Variants in CACNA2D2 observed in about 807,000 individuals in gnomAD.
CACNA2D2 encodes calcium voltage-gated channel auxiliary subunit alpha2delta 2.
A neutral mutation model predicts 166.4 loss-of-function variants in CACNA2D2; 48 were observed. The observed-to-expected ratio is 0.29, with a 90% confidence interval of 0.23 to 0.37. The LOEUF (loss-of-function observed/expected upper bound fraction) is 0.37, where lower values mean the gene tolerates loss of function less well. Ranked by LOEUF, CACNA2D2 falls within the 10% of genes least tolerant of loss-of-function variation. The pLI is 1.00. For synonymous variants in CACNA2D2, 561 were observed against 573.7 expected, an observed-to-expected ratio of 0.98 and a Z score of 0.32; for missense variants, 1,122 against 1,433.0, an observed-to-expected ratio of 0.78 and a Z score of 3.50.
At chr3:50,472,067 T>C (rs941464657) in intron 2 of CACNA2D2, among the ~76,000 whole-genome samples, 3 of 152,218 alleles carry the variant, frequency 2.0e-5, no homozygotes, top group African/African-American at 7.2e-5. Flanking sequence ...TCTCTGTGAA[T>C]GCAGGCTCAG....
At position 50,379,595 on chromosome 3, in the gene CACNA2D2, AG is replaced by A. The variant is rs767683013; in HGVS notation, c.994-6del. The A allele has an allele frequency of 7.4e-6, 12 of 1,613,714 alleles. No homozygotes were observed. Among genetic ancestry groups the A allele is most frequent in the African/African-American group, 1.3e-5 (1 of 74,936 alleles). On this transcript the variant is annotated splice_polypyrimidine_tract_variant and splice_region_variant and intron_variant, in intron 10 of 37. Transcript: ENST00000424201. This position sits in a 1 kb window ranked among gnomAD's most constrained non-coding sequence, Gnocchi z 6.5. ...AGGCTGTGCCTTCTCGTTGAACTGC[AG>A]GAACAGTAGGGTGGTGAGTGGCCTC...
At chr3:50,369,509 T>G (rs1388797959) in intron 23 of CACNA2D2, among the ~76,000 whole-genome samples, 1 of 152,216 alleles carries the variant, frequency 6.6e-6, no homozygotes, top group Non-Finnish European at 1.5e-5. Context: ...ACAGAGAAAC[T>G]GGGTGCATGC....
chr3:50,365,097 C>A lies in CACNA2D2; in HGVS notation c.3186G>T (p.Arg1062=), dbSNP rs373966675. ...TACAGTGCGTCTCCTTCTGCAGCAG[C>A]CGGCCAGCCTCGCACTGGCTGCACA... is the stretch of plus-strand genomic sequence containing the variant. ...KPLCSQCEAG[R]LLQKETHSDG... The change falls in exon 36 of 38, where the codon CGG becomes CGT. Residue 1062 remains arginine, a synonymous_variant. Coordinates refer to ENST00000424201, the MANE Select transcript of CACNA2D2 (RefSeq NM_006030.4). The surrounding 1 kb of genome is among the most constrained non-coding windows in gnomAD (Gnocchi z 4.5). 3.1e-6 allele frequency: 5 copies of A among 1,611,672 alleles called. No individual in the cohort carries two copies. The African/African-American group carries it at 6.7e-5, about 22-fold the overall frequency.
chr3:50,398,605 C>T (rs983756754), intron 3 of CACNA2D2, among the ~76,000 whole-genome samples: 1 of 152,176 alleles, frequency 6.6e-6, no homozygotes, highest in Non-Finnish European at 1.5e-5. Flanking sequence ...TGTGGTTTAA[C>T]CTCTCAGAGT....
Position 50,365,541 on chromosome 3 carries a change from C to T in CACNA2D2, c.2972-59G>A. ...CAGACCCTGGCAAGGTCTCCGGCCT[C>T]CCTCAGTCGTAGACCCCACCCTCCC... On this transcript the variant is annotated intron_variant, in intron 34 of 37. Coordinates refer to ENST00000424201, the MANE Select transcript of CACNA2D2 (RefSeq NM_006030.4). The surrounding 1 kb of genome is among the most constrained non-coding windows in gnomAD (Gnocchi z 4.5). 1.9e-6 allele frequency: 3 copies of T among 1,600,334 alleles called. No individual in the cohort carries two copies. The highest frequency in any genetic ancestry group is 2.6e-6 in the Non-Finnish European group (3 of 1,173,342).
intron 1 of CACNA2D2, among the ~76,000 whole-genome samples, chr3:50,480,543 A>T (rs114246809): frequency 4.0e-5 from 6 of 151,734 alleles, no homozygotes; most frequent in Non-Finnish European, 7.4e-5. Flanking sequence ...GCAGGTAAGA[A>T]GATGACACCC....
intron 3 of CACNA2D2, among the ~76,000 whole-genome samples, chr3:50,431,038 TC>T (rs751462895): frequency 1.2e-4 from 19 of 152,234 alleles, no homozygotes; most frequent in Non-Finnish European, 2.6e-4. Flanking sequence ...ACAATGAACT[TC>T]CGTCCTGTGT....
chr3:50,454,306 G>T (rs959575038), intron 2 of CACNA2D2, among the ~76,000 whole-genome samples: 26 of 152,350 alleles, frequency 1.7e-4, no homozygotes, highest in Middle Eastern at 3.4e-3. Context: ...CTTGGCACCC[G>T]CTGTGTACGC....
chr3:50,366,628 G>A lies in CACNA2D2; in HGVS notation c.2590-3C>T. The A allele has an allele frequency of 1.2e-6, 2 of 1,613,834 alleles. No homozygotes were observed. Among genetic ancestry groups the A allele is most frequent in the Non-Finnish European group, 8.5e-7 (1 of 1,179,954 alleles). On this transcript the variant is annotated splice_polypyrimidine_tract_variant and splice_region_variant and intron_variant, in intron 29 of 37. Transcript: ENST00000424201. This position sits in a 1 kb window ranked among gnomAD's most constrained non-coding sequence, Gnocchi z 5.9. ...TCACAGTGGCTGTTGGGGCCGCACT[G>A]CTGGGCAGAGAGTGAGGACCGTAAG...
intron 2 of CACNA2D2, among the ~76,000 whole-genome samples, chr3:50,442,263 C>A (rs1017150170): frequency 5.9e-5 from 9 of 152,192 alleles, no homozygotes; most frequent in Non-Finnish European, 1.2e-4. Flanking sequence ...CTCCAGTGTC[C>A]CCGCCTGCCT....
At chr3:50,385,002 T>C (rs1021394469) in intron 5 of CACNA2D2, among the ~76,000 whole-genome samples, 12 of 152,148 alleles carry the variant, frequency 7.9e-5, no homozygotes, top group African/African-American at 9.7e-5. Flanking sequence ...AGGGCCCCTG[T>C]TGATTTTCTA....
chr3:50,453,931 C>T (rs942017468), intron 2 of CACNA2D2, among the ~76,000 whole-genome samples: 2 of 151,946 alleles, frequency 1.3e-5, no homozygotes, highest in Non-Finnish European at 2.9e-5. Flanking sequence ...TCACGGTGGA[C>T]ACGACCAGGC....
intron 3 of CACNA2D2, among the ~76,000 whole-genome samples, chr3:50,421,704 G>A (rs771919179): frequency 6.6e-5 from 10 of 152,088 alleles, no homozygotes; most frequent in Non-Finnish European, 1.0e-4. Flanking sequence ...GCAGGGCCAC[G>A]AGGCCTCCAG....
chr3:50,435,831 C>T (rs529260516), intron 2 of CACNA2D2, among the ~76,000 whole-genome samples: 2 of 152,286 alleles, frequency 1.3e-5, no homozygotes, highest in East Asian at 1.9e-4. Context: ...GTGGTGAAGT[C>T]GCTCCTTCCC....
At chr3:50,391,679 G>A (rs957895784) in intron 4 of CACNA2D2, among the ~76,000 whole-genome samples, 1 of 152,236 alleles carries the variant, frequency 6.6e-6, no homozygotes, top group African/African-American at 2.4e-5. Context: ...TGAGGTCAGT[G>A]GAGTTGTGGG....
At chr3:50,416,329 AG>A (rs1478875390) in intron 3 of CACNA2D2, 1 of 152,488 alleles carries the variant, frequency 6.6e-6, no homozygotes, top group African/African-American at 2.4e-5. Flanking sequence ...GGAAGAAAGG[AG>A]GAGGGTGAGA....
Position 50,379,534 on chromosome 3 carries a change from C to T in CACNA2D2, c.1050G>A (p.Val350=), listed in dbSNP as rs1705186481. The change falls in exon 11 of 38, where the codon GTG becomes GTA. Residue 350 remains valine, a synonymous_variant. Transcript: ENST00000424201. The surrounding 1 kb of genome is among the most constrained non-coding windows in gnomAD (Gnocchi z 6.5). ...CTTCCTTGAACACCTTCTTGTTGCGCACATTGGCCTGCACCAGGTGTGTGA... is the reference window on the plus strand; with the variant it reads ...CTTCCTTGAACACCTTCTTGTTGCGTACATTGGCCTGCACCAGGTGTGTGA... ...SCFTHLVQAN[V]RNKKVFKEAV... is the part of the protein sequence containing the mutation. 1.2e-6 allele frequency: 2 copies of T among 1,613,880 alleles called. No homozygotes were observed. Among genetic ancestry groups the T allele is most frequent in the East Asian group, 2.2e-5 (1 of 44,898 alleles).
intron 2 of CACNA2D2, among the ~76,000 whole-genome samples, chr3:50,470,665 C>T (rs545660037): frequency 6.6e-6 from 1 of 151,266 alleles, no homozygotes; most frequent in Admixed American, 6.6e-5. Context: ...TCTCCCCACA[C>T]AGTGCTCAAG....
Position 50,501,604 on chromosome 3 carries a change from T to C in CACNA2D2, c.206+1614A>G, listed in dbSNP as rs572233945. On this transcript the variant is annotated intron_variant, in intron 1 of 37. Coordinates refer to ENST00000424201, the MANE Select transcript of CACNA2D2 (RefSeq NM_006030.4). ...GACTCGTGCAGGCCCAGAAGCCATCTGACCAACTGCACGTTGCAGGGAAAG... is the reference window on the plus strand; with the variant it reads ...GACTCGTGCAGGCCCAGAAGCCATCCGACCAACTGCACGTTGCAGGGAAAG... Among the ~76,000 whole-genome samples, 10 of 152,318 alleles carry C rather than the reference T, an allele frequency of 6.6e-5. No individual in the cohort carries two copies. The South Asian group carries it at 2.1e-3, about 32-fold the overall frequency.
Sources: allele counts gnomAD v4.1 joint callset (sites outside exome capture counted in the v4.1 genomes callset), GRCh38; gene constraint gnomAD v4.1.1; non-coding constraint Gnocchi (gnomAD v3.1); transcripts MANE v1.5; gene names NCBI Gene and HGNC (gene_info 2026-07-23, HGNC 2026-07-21).